The following MGAT5 variants were observed in gnomAD, a reference collection of about 807,000 sequenced individuals.
MGAT5 encodes the protein alpha-1,6-mannosylglycoprotein 6-beta-N-acetylglucosaminyltransferase A.
MGAT5 carries 30 observed loss-of-function variants against 94.3 expected under a neutral mutation model. The ratio of observed to expected loss-of-function variants is 0.32; its 90% CI spans 0.24 to 0.43. The LOEUF is 0.43. Ranked by LOEUF, MGAT5 falls within the 20% of genes least tolerant of loss-of-function variation. MGAT5 has a pLI of 1.00. For missense variants in MGAT5, 691 were observed against 905.5 expected (o/e 0.76, Z 3.04); for synonymous variants, 310 against 322.9 (o/e 0.96, Z 0.43).
intron 2 of MGAT5, among the ~76,000 whole-genome samples, chr2:134,308,593 C>T (rs1686471530): frequency 6.6e-6 from 1 of 152,128 alleles, no homozygotes; most frequent in Non-Finnish European, 1.5e-5. Flanking sequence ...TCTTTGCTTC[C>T]CAGGAAGGTA....
At chr2:134,336,154 T>C in intron 4 of MGAT5, 63 bp from the exon 5 acceptor site, 2 of 1,371,406 alleles carry the variant, frequency 1.5e-6, no homozygotes, top group Non-Finnish European at 2.1e-6. Context: ...TTCTCGGTGC[T>C]TTTTATGTAT....
chr2:134,249,490 T>C (rs1283417656), upstream of MGAT5, among the ~76,000 whole-genome samples: 2 of 152,226 alleles, frequency 1.3e-5, no homozygotes, highest in Non-Finnish European at 2.9e-5. Context: ...ACATTTAATA[T>C]CAATGGAATC....
intron 10 of MGAT5, among the ~76,000 whole-genome samples, chr2:134,363,775 T>C (rs1370365913): frequency 3.9e-5 from 6 of 152,274 alleles, no homozygotes; most frequent in African/African-American, 1.2e-4. Flanking sequence ...TCAGTCTAGA[T>C]TGTAAATGGC....
chr2:134,324,713 A>G (rs2105925875), intron 4 of MGAT5, among the ~76,000 whole-genome samples: 1 of 152,250 alleles, frequency 6.6e-6, no homozygotes, highest in East Asian at 1.9e-4. Context: ...CTTAGGTTAC[A>G]GGACAAAACC....
chr2:134,252,481 C>T (rs956219784), upstream of MGAT5, among the ~76,000 whole-genome samples: 2 of 152,132 alleles, frequency 1.3e-5, no homozygotes, highest in African/African-American at 4.8e-5. Context: ...TGGTCAAGGG[C>T]TCTGAAACAT....
At chr2:134,296,967 G>C (rs139191693) in intron 2 of MGAT5, among the ~76,000 whole-genome samples, 1,656 of 152,174 alleles carry the variant, frequency 0.011, 17 homozygotes, top group South Asian at 0.031. Flanking sequence ...GGGAGGCAGA[G>C]GCGGGAGGAG....
chr2:134,125,631 C>T (rs1333792146), intron 1 of MGAT5, among the ~76,000 whole-genome samples: 1 of 152,200 alleles, frequency 6.6e-6, no homozygotes, highest in Non-Finnish European at 1.5e-5. Flanking sequence ...TAACGGGTGC[C>T]TGCCTGCTTT....
chr2:134,217,904 T>A (rs1321580159), intron 1 of MGAT5, among the ~76,000 whole-genome samples: 6 of 152,210 alleles, frequency 3.9e-5, no homozygotes, highest in Non-Finnish European at 8.8e-5. Context: ...CTTAAAGGAT[T>A]TGACATCTTC....
At chr2:134,378,938 T>C (rs1221664223) in intron 10 of MGAT5, among the ~76,000 whole-genome samples, 2 of 152,164 alleles carry the variant, frequency 1.3e-5, no homozygotes, top group Non-Finnish European at 2.9e-5. Flanking sequence ...AGTGATGATA[T>C]GTGAGAGCAT....
upstream of MGAT5, among the ~76,000 whole-genome samples, chr2:134,252,349 G>T (rs1005387939): frequency 6.6e-6 from 1 of 152,200 alleles, no homozygotes; most frequent in Non-Finnish European, 1.5e-5. Flanking sequence ...TGGGAGAGGG[G>T]TGTGATGGGG....
chr2:134,145,212 C>CTGTGTGTGTGTGTGTGTGTGTGTG lies in MGAT5; in HGVS notation c.-143+24922_-143+24923insGTGTGTGTGTGTGTGTGTGTGTGT, dbSNP rs1350453588. On this transcript the variant is annotated intron_variant, in intron 1 of 16. Coordinates refer to the MGAT5 transcript ENST00000409645. ...AAGTAAGGTGTGTGTGTGTCTCTCT[C>CTGTGTGTGTGTGTGTGTGTGTGTG]TCTGTGTGTGTGTGTGTGTGTGTGT... Among the ~76,000 whole-genome samples the CTGTGTGTGTGTGTGTGTGTGTGTG allele has an allele frequency of 5.6e-4, 64 of 113,770 alleles. 1 individual carries two copies. Among genetic ancestry groups the CTGTGTGTGTGTGTGTGTGTGTGTG allele is most frequent in the African/African-American group, 2.2e-3 (57 of 25,956 alleles). The allele number at this position is 113,770 out of a possible 152,430, so 74.6% of individuals were successfully genotyped here.
intron 9 of MGAT5, among the ~76,000 whole-genome samples, chr2:134,359,501 A>T (rs1679948749): frequency 6.6e-6 from 1 of 152,250 alleles, no homozygotes; most frequent in Non-Finnish European, 1.5e-5. Flanking sequence ...AGAACTTGGC[A>T]TGTAGTCAGA....
chr2:134,372,715 G>GA (rs1157221533), intron 10 of MGAT5, among the ~76,000 whole-genome samples: 1 of 152,242 alleles, frequency 6.6e-6, no homozygotes, highest in Non-Finnish European at 1.5e-5. Flanking sequence ...CCTGGGAATG[G>GA]AGAGTAGTTT....
intron 11 of MGAT5, among the ~76,000 whole-genome samples, chr2:134,409,333 G>T (rs565752913): frequency 6.6e-6 from 1 of 152,114 alleles, no homozygotes; most frequent in Non-Finnish European, 1.5e-5. Context: ...CTTGTTACCC[G>T]GACTAAGGTC....
chr2:134,275,744 C>T (rs1275966272), intron 2 of MGAT5, among the ~76,000 whole-genome samples: 8 of 151,754 alleles, frequency 5.3e-5, no homozygotes, highest in Admixed American at 6.6e-5. Flanking sequence ...CCATCATGCC[C>T]GGCAAATTCT....
intron 15 of MGAT5, among the ~76,000 whole-genome samples, chr2:134,448,334 G>A (rs1000324901): frequency 6.6e-6 from 1 of 152,204 alleles, no homozygotes; most frequent in Admixed American, 6.5e-5. Context: ...GAAGGGCCAT[G>A]ATTTATTTGG....
chr2:134,165,625 A>C (rs1687933260), intron 1 of MGAT5, among the ~76,000 whole-genome samples: 1 of 152,154 alleles, frequency 6.6e-6, no homozygotes, highest in African/African-American at 2.4e-5. Context: ...AATACAAAAA[A>C]TTAGCCAGTC....
In MGAT5 at chr2:134,428,394, G is replaced by A. The variant is rs545961795; in HGVS notation, c.1824G>A (p.Thr608=). 24 of 1,614,066 alleles carry A rather than the reference G, an allele frequency of 1.5e-5. No homozygotes were observed. Among genetic ancestry groups the A allele is most frequent in the Middle Eastern group, 1.6e-4 (1 of 6,062 alleles). Residue 608 remains threonine (T), a synonymous_variant, in exon 14 of 16, where the codon ACG becomes ACA. Coordinates refer to ENST00000281923, the MANE Select transcript of MGAT5 (RefSeq NM_002410.5). ...AGCCATACATGCCATATGAATTTAC[G>A]TGCGAGGGGATGCTACAGAGAATCA... ...KIEPYMPYEF[T]CEGMLQRINA...
At chr2:134,128,868 G>A (rs1030668328) in intron 1 of MGAT5, among the ~76,000 whole-genome samples, 4 of 152,188 alleles carry the variant, frequency 2.6e-5, no homozygotes, top group Non-Finnish European at 5.9e-5. Context: ...ACAGTTGTGA[G>A]CCACCGTGTC....
Sources: gnomAD v4.1 joint callset for allele counts (sites outside exome capture counted in the v4.1 genomes callset) on GRCh38, gnomAD v4.1.1 for gene constraint, MANE v1.5 for transcripts, NCBI Gene and HGNC (gene_info 2026-07-23, HGNC 2026-07-21) for gene names.